USP6: variants seen among roughly 807,000 people sequenced by gnomAD.
USP6 encodes the protein ubiquitin carboxyl-terminal hydrolase 6.
Under a neutral mutation model 175.7 loss-of-function variants are expected in USP6, and 128 were observed. The observed-to-expected ratio is 0.73, with a 90% CI of 0.63 to 0.84. The LOEUF (loss-of-function observed/expected upper bound fraction) is 0.84, where lower values mean the gene tolerates loss of function less well. USP6 is among the 40% of genes least tolerant of loss of function. The pLI, the probability that USP6 is intolerant of heterozygous loss-of-function variation, is 0.00. For missense variants in USP6, 1,498 were observed against 1,760.3 expected, an observed-to-expected ratio of 0.85 and a Z score of 2.67; for synonymous variants, 562 against 630.6, an observed-to-expected ratio of 0.89 and a Z score of 1.63.
Position 5,141,990 on chromosome 17 carries a change from T to C in USP6, c.1574-13T>C. On this transcript the variant is annotated splice_polypyrimidine_tract_variant and intron_variant, in intron 23 of 37. Transcript: ENST00000574788. Reference sequence around the variant, plus strand: ...CTACAGCTAAGCTTTGGTTCTCATATTGTTTGTTCCAGTTCCCACAGAAAA... The same window carrying C: ...CTACAGCTAAGCTTTGGTTCTCATACTGTTTGTTCCAGTTCCCACAGAAAA... 1.2e-6 allele frequency: 2 copies of C among 1,608,090 alleles called. No homozygotes were observed. Among genetic ancestry groups the C allele is most frequent in the South Asian group, 2.2e-5 (2 of 89,654 alleles).
chr17:5,142,578 G>A, intron 25 of USP6, 76 bp downstream of exon 25: 1 of 1,503,408 alleles, frequency 6.7e-7, no homozygotes, highest in South Asian at 1.3e-5. Flanking sequence ...CTTGTTTTTT[G>A]TGTTTAGCCT....
rs534558168 is a variant in USP6 at position 5,155,033 on chromosome 17, G to A, written c.2644-389G>A. On this transcript the variant is annotated intron_variant, in intron 30 of 37. Transcript: ENST00000574788. ...TTACAGGCGTGAGCTACCACACCCAGCTTACTGGCATATTTTCTGGAGAAA... is the reference window on the plus strand; with the variant it reads ...TTACAGGCGTGAGCTACCACACCCAACTTACTGGCATATTTTCTGGAGAAA... 2.0e-5 allele frequency among the ~76,000 whole-genome samples: 3 copies of A among 152,272 alleles called. No homozygotes were observed. The South Asian group carries it at 6.2e-4, about 32-fold the overall frequency.
chr17:5,137,334 G>A, intron 19 of USP6, 148 bp downstream of exon 19: 1 of 1,107,634 alleles, frequency 9.0e-7, no homozygotes, highest in Non-Finnish European at 1.3e-6. Context: ...CTCTGCCCAA[G>A]AGGGGTCATC....
intron 30 of USP6, among the ~76,000 whole-genome samples, chr17:5,151,431 ATGTGTGTGTGTGTG>A (rs138448773): frequency 1.4e-5 from 2 of 146,564 alleles, no homozygotes; most frequent in African/African-American, 2.5e-5. Context: ...CAAAGTCTGC[ATGTGTGTGTGTGTG>A]TGTGTGTGTG....
chr17:5,172,973 C>T lies in USP6; in HGVS notation c.4216C>T (p.Gln1406Ter). The T allele has an allele frequency of 6.2e-7, 1 of 1,613,762 alleles. No individual in the cohort carries two copies. The highest frequency in any genetic ancestry group is 1.3e-5 in the African/African-American group (1 of 75,034). ...ESDYEKYSML[Q>*] ...TGATTACGAAAAGTACTCTATGTTA[C>T]AGTAAAGCTACCACTCTGGCTGCTA... Residue 1406 changes from glutamine to a stop codon, truncating the protein, a stop_gained, in exon 38 of 38, where the codon CAG (glutamine) becomes TAG (stop). Coordinates refer to ENST00000574788, the MANE Select transcript of USP6 (RefSeq NM_001304284.2). LOFTEE classifies it high-confidence loss of function.
At position 5,167,999 on chromosome 17, in the gene USP6, G is replaced by C; in HGVS notation, c.3104G>C (p.Ser1035Thr). The change falls in exon 34 of 38, where the codon AGC becomes ACC. Residue 1035 changes from serine to threonine, a missense_variant. Coordinates refer to ENST00000574788, the MANE Select transcript of USP6 (RefSeq NM_001304284.2). Reference protein sequence around the residue: ...RAQAEPINLDSCLRAFTSEEE... With the variant: ...RAQAEPINLDTCLRAFTSEEE... The stretch of plus-strand genomic sequence containing the variant: ...CAAGCCGAGCCCATCAACCTGGACA[G>C]CTGTCTCCGTGCTTTCACCAGTGAG... 1.9e-6 allele frequency: 3 copies of C among 1,611,978 alleles called. No homozygotes were observed. The highest frequency in any genetic ancestry group is 2.5e-6 in the Non-Finnish European group (3 of 1,179,838).
intron 33 of USP6, among the ~76,000 whole-genome samples, chr17:5,166,202 C>T (rs915785902): frequency 2.0e-5 from 3 of 151,958 alleles, no homozygotes; most frequent in African/African-American, 7.3e-5. Context: ...AGAATTTGTA[C>T]TCAAAAAAGA....
At chr17:5,162,324 G>T (rs2074020274) in intron 32 of USP6, among the ~76,000 whole-genome samples, 1 of 151,986 alleles carries the variant, frequency 6.6e-6, no homozygotes, top group Non-Finnish European at 1.5e-5. Flanking sequence ...GCTAATTTCT[G>T]CATTTTTAGT....
chr17:5,155,491 G>C lies in USP6; in HGVS notation c.2713G>C (p.Val905Leu). 1 of 1,614,084 alleles carries C rather than the reference G, an allele frequency of 6.2e-7. No homozygotes were observed. The highest frequency in any genetic ancestry group is 8.5e-7 in the Non-Finnish European group (1 of 1,180,000). ...RPSLFGMPLIVPCTVHTRKKD... is the reference protein window; with the variant it reads ...RPSLFGMPLILPCTVHTRKKD... ...CAGCCTCTTTGGAATGCCATTGATT[G>C]TTCCATGCACTGTGCATACCCGGAA... Residue 905 changes from valine (V) to leucine (L), a missense_variant, in exon 31 of 38, where the codon GTT becomes CTT. Physicochemically the swap from Val to Leu is conservative, Grantham distance 32 (BLOSUM62 1). This residue lies in a region of USP6 where 1,217 missense variants were observed against 1,500.8 expected (regional missense o/e 0.81). Coordinates refer to ENST00000574788, the MANE Select transcript of USP6 (RefSeq NM_001304284.2).
Position 5,132,820 on chromosome 17 carries a change from A to G in USP6, c.196-90A>G, listed in dbSNP as rs530875704. 6.7e-7 allele frequency: 1 copy of G among 1,496,386 alleles called. No homozygotes were observed. The highest frequency in any genetic ancestry group is 9.3e-7 in the Non-Finnish European group (1 of 1,073,584). 92.7% of individuals were successfully genotyped at this position (1,496,386 alleles called of 1,614,324 possible). A position where few individuals can be genotyped will look rare whatever the true frequency, so the allele number is the denominator to read the frequency against. On this transcript the variant is annotated intron_variant, in intron 12 of 37. Coordinates refer to ENST00000574788, the MANE Select transcript of USP6 (RefSeq NM_001304284.2). The surrounding 1 kb of genome is among the most constrained non-coding windows in gnomAD (Gnocchi z 4.7). ...CCCTGGCTCCTTCCAGTTGGGTCCC[A>G]CCAGGGCTCCAGAGCCCAAGACTCA...
At chr17:5,142,561 T>G in intron 25 of USP6, 59 bp downstream of exon 25, 2 of 1,537,352 alleles carry the variant, frequency 1.3e-6, no homozygotes, top group Non-Finnish European at 1.8e-6. Context: ...TTAATCATTT[T>G]TCTCTACTTG....
chr17:5,131,681 C>T (rs1341413093), intron 11 of USP6, among the ~76,000 whole-genome samples: 1 of 150,534 alleles, frequency 6.6e-6, no homozygotes, highest in Non-Finnish European at 1.5e-5. Flanking sequence ...AGGGAGGCAG[C>T]AGGGCTTGTG....
chr17:5,145,114 A>G (rs1487658202), intron 26 of USP6, among the ~76,000 whole-genome samples: 1 of 152,226 alleles, frequency 6.6e-6, no homozygotes, highest in African/African-American at 2.4e-5. Context: ...ATAATTGTCC[A>G]GTGGAATTTA....
intron 18 of USP6, 56 bp downstream of exon 18, chr17:5,136,790 A>G: frequency 1.9e-6 from 3 of 1,594,390 alleles, no homozygotes; most frequent in East Asian, 2.2e-5. Context: ...GTGGGGCTGT[A>G]GGAGCAGGGG....
chr17:5,130,802 CTT>C, intron 11 of USP6, 118 bp downstream of exon 11: 1 of 1,347,812 alleles, frequency 7.4e-7, no homozygotes, highest in Non-Finnish European at 1.0e-6. Flanking sequence ...GGGCCAACCT[CTT>C]TTCCAGGGTC....
chr17:5,138,106 C>T lies in USP6; in HGVS notation c.926-15C>T, dbSNP rs776094957. On this transcript the variant is annotated splice_polypyrimidine_tract_variant and intron_variant, in intron 20 of 37. Coordinates refer to ENST00000574788, the MANE Select transcript of USP6 (RefSeq NM_001304284.2). ...CCAGGGAACTCTCCTGGCCTGATAT[C>T]CACCCTGTCCCTAGAGCGCCTCATG... is the stretch of plus-strand genomic sequence containing the variant. 1 of 1,614,006 alleles carries T rather than the reference C, an allele frequency of 6.2e-7. No individual in the cohort carries two copies. The highest frequency in any genetic ancestry group is 8.5e-7 in the Non-Finnish European group (1 of 1,179,954).
intron 32 of USP6, among the ~76,000 whole-genome samples, chr17:5,162,150 TTTTTG>T (rs887929139): frequency 1.3e-5 from 2 of 152,142 alleles, no homozygotes; most frequent in African/African-American, 4.8e-5. Context: ...CACCTCTCCT[TTTTTG>T]TTTTGTTTTG....
In USP6 at chr17:5,133,425, A is replaced by T. The variant is rs1280263349; in HGVS notation, c.277-18A>T. On this transcript the variant is annotated intron_variant, in intron 13 of 37. Coordinates refer to ENST00000574788, the MANE Select transcript of USP6 (RefSeq NM_001304284.2). ...GTCACCCCATGGCCTGTGACACCAG[A>T]TTCTTTTCTGCCCACAGCTCATAGA... The T allele has an allele frequency of 8.1e-6, 13 of 1,603,964 alleles. No homozygotes were observed. Among genetic ancestry groups the T allele is most frequent in the African/African-American group, 1.3e-5 (1 of 74,642 alleles).
At chr17:5,140,059 A>T (rs528438231) in intron 22 of USP6, among the ~76,000 whole-genome samples, 1 of 151,108 alleles carries the variant, frequency 6.6e-6, no homozygotes, top group Non-Finnish European at 1.5e-5. Context: ...CCATCCCAGC[A>T]CCCCCAGCCC....
Sources: gnomAD v4.1 joint callset for allele counts (sites outside exome capture counted in the v4.1 genomes callset) on GRCh38, gnomAD v4.1.1 for gene constraint, gnomAD v4.1.1 regional missense constraint, Gnocchi (gnomAD v3.1) non-coding constraint, MANE v1.5 for transcripts, NCBI Gene and HGNC (gene_info 2026-07-23, HGNC 2026-07-21) for gene names.